The following KLF12 variants were observed in gnomAD, a reference collection of about 807,000 sequenced individuals.
KLF12 encodes KLF transcription factor 12.
A neutral mutation model predicts 37.8 loss-of-function variants in KLF12; 9 were observed. That is an observed-to-expected ratio of 0.24 (90% CI 0.14 to 0.42). The LOEUF is 0.42. KLF12 is among the 10% of genes least tolerant of loss of function. The pLI, the probability that KLF12 is intolerant of heterozygous loss-of-function variation, is 1.00. For missense variants in KLF12, 411 were observed against 516.0 expected, an observed-to-expected ratio of 0.80 and a Z score of 1.97; for synonymous variants, 208 against 202.1, an observed-to-expected ratio of 1.03 and a Z score of -0.25.
Position 73,689,410 on chromosome 13 carries a change from T to C in KLF12, c.*6080A>G, listed in dbSNP as rs1055980009. ...GATGTGTGACTCTCCATGAGTATAATTTTACTGATAGCCTCAGTAGCTTGT... is the reference window on the plus strand; with the variant it reads ...GATGTGTGACTCTCCATGAGTATAACTTTACTGATAGCCTCAGTAGCTTGT... On this transcript the variant is annotated 3_prime_UTR_variant, in exon 8 of 8. Transcript: ENST00000377669. The C allele has an allele frequency of 1.3e-5, 2 of 152,174 alleles. No homozygotes were observed. The highest frequency in any genetic ancestry group is 4.8e-5 in the African/African-American group (2 of 41,446). The allele number at this position is 152,174 out of a possible 1,614,324, so 9.4% of individuals were successfully genotyped here. A position where few individuals can be genotyped will look rare whatever the true frequency, so the allele number is the denominator to read the frequency against.
the KLF12 span, chr13:74,260,103 G>A: frequency 2.0e-5 from 3 of 152,188 alleles, no homozygotes; most frequent in East Asian, 5.8e-4. Context: ...TACAGTAGGA[G>A]CTTCAAAATG....
intron 6 of KLF12, among the ~76,000 whole-genome samples, chr13:73,748,228 T>C (rs1878503932): frequency 6.6e-6 from 1 of 152,194 alleles, no homozygotes. Flanking sequence ...AAAGTCGGAC[T>C]GAAGTGATGT....
At chr13:74,159,278 A>G in the KLF12 span, among the ~76,000 whole-genome samples, 4,690 of 152,316 alleles carry the variant, frequency 0.031, 128 homozygotes, top group Middle Eastern at 0.065. Context: ...ACAACTTCAC[A>G]TGAATGAGTG....
At chr13:73,738,093 A>G (rs1459454499) in intron 6 of KLF12, among the ~76,000 whole-genome samples, 3 of 42,850 alleles carry the variant, frequency 7.0e-5, no homozygotes, top group African/African-American at 2.2e-4. Flanking sequence ...GTATGTGTAC[A>G]TATATATATA....
chr13:73,998,429 G>C (rs1400142176), intron 1 of KLF12, among the ~76,000 whole-genome samples: 2 of 152,172 alleles, frequency 1.3e-5, no homozygotes, highest in African/African-American at 2.4e-5. Flanking sequence ...TCCACTCTCT[G>C]CTCAAAGGTA....
chr13:73,952,055 G>T (rs1890667012), intron 2 of KLF12, among the ~76,000 whole-genome samples: 1 of 152,188 alleles, frequency 6.6e-6, no homozygotes, highest in Non-Finnish European at 1.5e-5. Context: ...ATCTTAAAGA[G>T]ATATGAAATT....
chr13:73,843,528 C>G (rs1157173386), intron 4 of KLF12, among the ~76,000 whole-genome samples: 1 of 151,966 alleles, frequency 6.6e-6, no homozygotes, highest in Non-Finnish European at 1.5e-5. Flanking sequence ...AGGCTGGTCT[C>G]GAACTCCTGA....
At chr13:74,106,694 C>T (rs1038348457) in intron 1 of KLF12, among the ~76,000 whole-genome samples, 4 of 152,100 alleles carry the variant, frequency 2.6e-5, no homozygotes, top group African/African-American at 9.7e-5. Flanking sequence ...CTGCACTGGG[C>T]TAAACAGATG....
At chr13:73,798,748 A>G (rs1363722672) in intron 5 of KLF12, among the ~76,000 whole-genome samples, 2 of 152,186 alleles carry the variant, frequency 1.3e-5, no homozygotes, top group African/African-American at 4.8e-5. Context: ...GGCAATCATT[A>G]AAAAGTCAAA....
At chr13:74,128,075 T>C (rs930129166) in intron 1 of KLF12, among the ~76,000 whole-genome samples, 3 of 152,222 alleles carry the variant, frequency 2.0e-5, no homozygotes, top group African/African-American at 7.2e-5. Context: ...TTTCTGTAAA[T>C]GATCATGTGA....
intron 1 of KLF12, among the ~76,000 whole-genome samples, chr13:74,097,453 T>C (rs908331933): frequency 2.0e-4 from 30 of 152,148 alleles, no homozygotes; most frequent in African/African-American, 7.0e-4. Context: ...CATGGTTGAA[T>C]TACACACTTG....
rs377203804 is a variant in KLF12, at chr13:73,710,130, G to GTGTTCAGTA, written c.1027+5237_1027+5238insTACTGAACA. ...CTGTGCCTCAACACTTTCAGTGATA[G>GTGTTCAGTA]GGAACACACTACTTCCAAGCAAAGC... On this transcript the variant is annotated intron_variant, in intron 7 of 7. Transcript: ENST00000377669. Among the ~76,000 whole-genome samples, 880 of 152,218 alleles carry GTGTTCAGTA rather than the reference G, an allele frequency of 5.8e-3. 3 individuals are homozygous for GTGTTCAGTA. The highest frequency in any genetic ancestry group is 0.01 in the Non-Finnish European group (693 of 68,008).
rs191366738 is a variant in KLF12 at position 73,721,616 on chromosome 13, A to G, written c.870-6091T>C. Among the ~76,000 whole-genome samples, 128 of 152,312 alleles carry G rather than the reference A, an allele frequency of 8.4e-4. 3 individuals carry two copies. The East Asian group carries it at 0.016, about 19-fold the overall frequency. On this transcript the variant is annotated intron_variant, in intron 6 of 7. Coordinates refer to ENST00000377669, the MANE Select transcript of KLF12 (RefSeq NM_007249.5). Reference sequence around the variant, plus strand: ...TGCCCAAGCTGCAGTGCAGTGGTAGAATCATAGCTCACCGGAGCCTCAAAC... The same window carrying G: ...TGCCCAAGCTGCAGTGCAGTGGTAGGATCATAGCTCACCGGAGCCTCAAAC...
the KLF12 span, among the ~76,000 whole-genome samples, chr13:74,287,192 T>A: frequency 6.6e-6 from 1 of 152,116 alleles, no homozygotes; most frequent in Admixed American, 6.5e-5. Flanking sequence ...GGTAAGGGGC[T>A]GGCTGCCGCT....
At chr13:73,791,109 T>G (rs1000817191) in intron 5 of KLF12, among the ~76,000 whole-genome samples, 4 of 152,228 alleles carry the variant, frequency 2.6e-5, no homozygotes, top group South Asian at 2.1e-4. Flanking sequence ...ACAGCTCTCT[T>G]CACTTCGTGT....
chr13:73,974,355 TCA>T (rs1891445045), intron 2 of KLF12, among the ~76,000 whole-genome samples: 6 of 151,444 alleles, frequency 4.0e-5, no homozygotes, highest in Admixed American at 2.6e-4. Flanking sequence ...AAAGAGCAAT[TCA>T]CTTATGTGGG....
At chr13:73,749,948 G>T (rs897754281) in intron 6 of KLF12, among the ~76,000 whole-genome samples, 3 of 152,136 alleles carry the variant, frequency 2.0e-5, no homozygotes, top group Non-Finnish European at 4.4e-5. Flanking sequence ...CATAATCCCT[G>T]TGGAAAGAAA....
At chr13:73,939,077 A>G (rs1231296072) in intron 3 of KLF12, among the ~76,000 whole-genome samples, 1 of 152,178 alleles carries the variant, frequency 6.6e-6, no homozygotes, top group Admixed American at 6.5e-5. Flanking sequence ...CGGCCCACGG[A>G]TCAGAACTGT....
intron 1 of KLF12, among the ~76,000 whole-genome samples, chr13:74,013,875 G>C (rs1446702959): frequency 6.6e-6 from 1 of 151,250 alleles, no homozygotes; most frequent in Non-Finnish European, 1.5e-5. Flanking sequence ...TAAGAGATGA[G>C]GTCTATGTTG....
Sources: gnomAD v4.1 joint callset for allele counts (sites outside exome capture counted in the v4.1 genomes callset) on GRCh38, gnomAD v4.1.1 for gene constraint, MANE v1.5 for transcripts, NCBI Gene and HGNC (gene_info 2026-07-23, HGNC 2026-07-21) for gene names.